The following MED27 variants were observed in gnomAD, a reference collection of about 807,000 sequenced individuals.
MED27 encodes mediator of RNA polymerase II transcription subunit 27.
A neutral mutation model predicts 38.2 loss-of-function variants in MED27; 30 were observed. The observed-to-expected ratio is 0.79, with a 90% CI of 0.59 to 1.07. The LOEUF (loss-of-function observed/expected upper bound fraction) is 1.07, where lower values mean the gene tolerates loss of function less well. MED27 is among the 50% of genes least tolerant of loss of function. The pLI, the probability that MED27 is intolerant of heterozygous loss-of-function variation, is 0.00. For synonymous variants in MED27, 122 were observed against 153.5 expected (o/e 0.79, Z 1.52); for missense variants, 289 against 397.5 (o/e 0.73, Z 2.32).
chr9:131,963,506 G>C (rs762207474), intron 3 of MED27, among the ~76,000 whole-genome samples: 23 of 152,110 alleles, frequency 1.5e-4, no homozygotes, highest in Non-Finnish European at 2.5e-4. Context: ...ACTAACAGCT[G>C]TAAGGAGCCA....
chr9:131,970,438 G>A (rs1280582676), intron 3 of MED27, among the ~76,000 whole-genome samples: 1 of 152,216 alleles, frequency 6.6e-6, no homozygotes, highest in Non-Finnish European at 1.5e-5. Context: ...CTCCACGGAA[G>A]AGCCCTCCAC....
intron 4 of MED27, among the ~76,000 whole-genome samples, chr9:131,935,683 C>T (rs2131574905): frequency 6.6e-6 from 1 of 152,258 alleles, no homozygotes; most frequent in East Asian, 1.9e-4. Flanking sequence ...AGGGGTGCCT[C>T]TCAGGGTGGA....
rs917420610 is a variant in MED27 at position 131,982,459 on chromosome 9, G to A, written c.479+31878C>T. On this transcript the variant is annotated intron_variant, in intron 3 of 7. Transcript: ENST00000292035. This position sits in a 1 kb window ranked among gnomAD's most constrained non-coding sequence, Gnocchi z 4.3. ...CTGGGCCAGACCAGACTACACAATC[G>A]TGAGTAAATAAAATGTTTTGTTGTA... Among the ~76,000 whole-genome samples the A allele has an allele frequency of 2.0e-5, 3 of 152,212 alleles. No individual in the cohort carries two copies. Among genetic ancestry groups the A allele is most frequent in the African/African-American group, 4.8e-5 (2 of 41,464 alleles).
chr9:131,969,211 CT>C (rs1831422129), intron 3 of MED27, among the ~76,000 whole-genome samples: 1 of 139,624 alleles, frequency 7.2e-6, no homozygotes, highest in Admixed American at 7.2e-5. Flanking sequence ...GAAATAGTAT[CT>C]TTCACGAACC....
intron 2 of MED27, among the ~76,000 whole-genome samples, chr9:132,020,433 C>A (rs1255825336): frequency 6.6e-6 from 1 of 152,264 alleles, no homozygotes; most frequent in Non-Finnish European, 1.5e-5. Flanking sequence ...TCAAGTCACA[C>A]CCCATACAGC....
intron 4 of MED27, among the ~76,000 whole-genome samples, chr9:131,899,809 C>T (rs995116708): frequency 1.3e-5 from 2 of 152,208 alleles, no homozygotes; most frequent in African/African-American, 4.8e-5. Context: ...CAGTTTCTAA[C>T]GTATCTGCAT....
At chr9:131,955,662 T>C (rs1217338151) in intron 3 of MED27, among the ~76,000 whole-genome samples, 1 of 152,210 alleles carries the variant, frequency 6.6e-6, no homozygotes, top group African/African-American at 2.4e-5. Context: ...TTGAAAGATG[T>C]AAGTTATATA....
At chr9:131,868,341 C>T (rs989540969) in intron 6 of MED27, among the ~76,000 whole-genome samples, 1 of 152,176 alleles carries the variant, frequency 6.6e-6, no homozygotes, top group African/African-American at 2.4e-5. Flanking sequence ...GGCAGTGGCC[C>T]AATCTTAGCT....
At chr9:131,937,829 C>T (rs1830710294) in intron 4 of MED27, among the ~76,000 whole-genome samples, 1 of 145,412 alleles carries the variant, frequency 6.9e-6, no homozygotes, top group South Asian at 2.2e-4. Context: ...CTGAGGCAGA[C>T]TTTTTTTTTT....
At chr9:131,864,690 T>A (rs904412523) in intron 6 of MED27, among the ~76,000 whole-genome samples, 32 of 152,378 alleles carry the variant, frequency 2.1e-4, no homozygotes, top group African/African-American at 6.0e-4. Flanking sequence ...CGCACGGTGA[T>A]GTGTGTCCAC....
At chr9:132,074,858 T>TA (rs1834011836) in intron 2 of MED27, among the ~76,000 whole-genome samples, 1 of 152,156 alleles carries the variant, frequency 6.6e-6, no homozygotes, top group African/African-American at 2.4e-5. Flanking sequence ...ATAACAGAAA[T>TA]AAAAAACATG....
At chr9:131,973,607 C>T (rs1589243356) in intron 3 of MED27, among the ~76,000 whole-genome samples, 1 of 151,966 alleles carries the variant, frequency 6.6e-6, no homozygotes, top group African/African-American at 2.4e-5. Context: ...TCTTGTCTGA[C>T]TGGACGGGCT....
intron 3 of MED27, among the ~76,000 whole-genome samples, chr9:131,981,218 T>A (rs1831728325): frequency 6.6e-6 from 1 of 152,254 alleles, no homozygotes; most frequent in Non-Finnish European, 1.5e-5. Context: ...CATTTGCTCA[T>A]TCACAGCAAT....
chr9:132,054,299 T>C (rs1466050477), intron 2 of MED27, among the ~76,000 whole-genome samples: 3 of 152,150 alleles, frequency 2.0e-5, no homozygotes, highest in African/African-American at 7.2e-5. Flanking sequence ...CCATGTGAGG[T>C]ACCTGCTCCC....
At chr9:132,054,464 G>A (rs568140979) in intron 2 of MED27, among the ~76,000 whole-genome samples, 2 of 152,292 alleles carry the variant, frequency 1.3e-5, no homozygotes, top group South Asian at 2.1e-4. Context: ...CTATTACCCA[G>A]GCTGGAGTGC....
intron 2 of MED27, among the ~76,000 whole-genome samples, chr9:132,054,178 G>A (rs1055713216): frequency 9.9e-5 from 15 of 152,276 alleles, no homozygotes; most frequent in Non-Finnish European, 1.8e-4. Flanking sequence ...GAAGGGAGGT[G>A]TTTGGGTGAG....
At chr9:131,916,338 T>C (rs1377100403) in intron 4 of MED27, among the ~76,000 whole-genome samples, 2 of 152,256 alleles carry the variant, frequency 1.3e-5, no homozygotes, top group African/African-American at 2.4e-5. Context: ...AATTGCTATG[T>C]ATAAATTTGA....
At chr9:131,934,366 C>T (rs767367805) in intron 4 of MED27, among the ~76,000 whole-genome samples, 1 of 151,976 alleles carries the variant, frequency 6.6e-6, no homozygotes, top group Non-Finnish European at 1.5e-5. Context: ...TGCAATATTA[C>T]TGAATTGCAA....
chr9:131,951,207 G>C lies in MED27; in HGVS notation c.480-11733C>G, dbSNP rs116352422. ...TCTACTGAACAGAACCTTCAGTAGA[G>C]AAGCCTTCTCCAAGGCCCTCAAATG... On this transcript the variant is annotated intron_variant, in intron 3 of 7. Transcript: ENST00000292035. Among the ~76,000 whole-genome samples the C allele has an allele frequency of 2.1e-3, 316 of 152,328 alleles. 1 individual carries two copies. Among genetic ancestry groups the C allele is most frequent in the African/African-American group, 7.4e-3 (309 of 41,570 alleles).
Sources: allele counts gnomAD v4.1 joint callset (sites outside exome capture counted in the v4.1 genomes callset), GRCh38; gene constraint gnomAD v4.1.1; non-coding constraint Gnocchi (gnomAD v3.1); transcripts MANE v1.5; gene names NCBI Gene and HGNC (gene_info 2026-07-23, HGNC 2026-07-21).